MYRIP: variants seen among roughly 807,000 people sequenced by gnomAD.
The protein encoded by MYRIP is myosin VIIA and Rab interacting protein, also known as rab effector MyRIP.
Under a neutral mutation model 98.0 loss-of-function variants are expected in MYRIP, and 49 were observed. That is an observed-to-expected ratio of 0.50 (90% CI 0.40 to 0.63). MYRIP has a LOEUF of 0.63. MYRIP is among the 30% of genes least tolerant of loss of function. The pLI is 0.00. For missense variants in MYRIP, 1,004 were observed against 1,058.2 expected, an observed-to-expected ratio of 0.95 and a Z score of 0.71; for synonymous variants, 404 against 409.5, an observed-to-expected ratio of 0.99 and a Z score of 0.16.
intron 1 of MYRIP, among the ~76,000 whole-genome samples, chr3:39,897,178 T>C (rs1943630402): frequency 6.6e-6 from 1 of 152,206 alleles, no homozygotes; most frequent in Admixed American, 6.5e-5. Flanking sequence ...AAAAGGTAGA[T>C]GTTATCAAAG....
intron 2 of MYRIP, among the ~76,000 whole-genome samples, chr3:39,912,131 A>G (rs1944036942): frequency 6.6e-6 from 1 of 152,006 alleles, no homozygotes. Context: ...TGCTGGTCTG[A>G]CTTACAGGCT....
At chr3:40,198,883 ATAATT>A (rs1166328476) in intron 10 of MYRIP, among the ~76,000 whole-genome samples, 2 of 152,230 alleles carry the variant, frequency 1.3e-5, no homozygotes, top group African/African-American at 4.8e-5. Context: ...TGCTCCAGAA[ATAATT>A]TAAAGTGGCT....
intron 12 of MYRIP, among the ~76,000 whole-genome samples, 196 bp downstream of exon 12, chr3:40,234,249 T>C (rs926765545): frequency 6.6e-6 from 1 of 152,164 alleles, no homozygotes; most frequent in Non-Finnish European, 1.5e-5. Context: ...TTTGTGTGCA[T>C]GTGACTTATT....
chr3:39,886,442 C>A lies in MYRIP; in HGVS notation c.-30-14345C>A, dbSNP rs1400249521. On this transcript the variant is annotated intron_variant, in intron 1 of 16. Coordinates refer to ENST00000302541, the MANE Select transcript of MYRIP (RefSeq NM_015460.4). Reference sequence around the variant, plus strand: ...CATCAGTGTGCTGTATTCAGGAAACCCATCTCACGTGCAGAGACACACATA... The same window carrying A: ...CATCAGTGTGCTGTATTCAGGAAACACATCTCACGTGCAGAGACACACATA... 8.2e-5 allele frequency among the ~76,000 whole-genome samples: 12 copies of A among 147,070 alleles called. No homozygotes were observed. In the East Asian group the frequency reaches 2.4e-3, roughly 29 times the overall value.
intron 11 of MYRIP, among the ~76,000 whole-genome samples, chr3:40,217,411 T>C (rs1952158217): frequency 6.6e-6 from 1 of 152,198 alleles, no homozygotes; most frequent in Non-Finnish European, 1.5e-5. Flanking sequence ...AAGAATGTAA[T>C]AATATTAATT....
intron 2 of MYRIP, among the ~76,000 whole-genome samples, chr3:40,005,361 T>C (rs779214687): frequency 3.3e-5 from 5 of 152,246 alleles, no homozygotes; most frequent in Non-Finnish European, 7.3e-5. Flanking sequence ...ATTTGTTAAA[T>C]GTATGAAATA....
At chr3:40,159,225 A>G (rs1950319685) in intron 4 of MYRIP, among the ~76,000 whole-genome samples, 1 of 151,406 alleles carries the variant, frequency 6.6e-6, no homozygotes, top group Non-Finnish European at 1.5e-5. Context: ...GCTTGTCTGT[A>G]AAGTATTTTA....
At chr3:39,970,659 A>G (rs1945557884) in intron 2 of MYRIP, among the ~76,000 whole-genome samples, 1 of 152,132 alleles carries the variant, frequency 6.6e-6, no homozygotes. Context: ...GAAAATGGCC[A>G]AAATATTTGA....
intron 12 of MYRIP, among the ~76,000 whole-genome samples, chr3:40,243,673 G>T (rs1953096387): frequency 6.6e-6 from 1 of 152,010 alleles, no homozygotes. Context: ...AGGATGGGGG[G>T]GTATTTGTTT....
At chr3:40,203,703 ATTTTATATAT>A (rs1349446045) in intron 10 of MYRIP, among the ~76,000 whole-genome samples, 4 of 120,022 alleles carry the variant, frequency 3.3e-5, no homozygotes, top group Admixed American at 1.0e-4. Flanking sequence ...ATATTTTTAT[ATTTTATATAT>A]TTTTATATAT....
At chr3:40,049,828 A>C (rs991097736) in intron 3 of MYRIP, among the ~76,000 whole-genome samples, 2 of 152,182 alleles carry the variant, frequency 1.3e-5, no homozygotes, top group Admixed American at 6.6e-5. Context: ...CATGAATGAT[A>C]AAATGGAATA....
intron 2 of MYRIP, among the ~76,000 whole-genome samples, chr3:39,938,719 T>C (rs1404737715): frequency 7.2e-5 from 11 of 152,142 alleles, no homozygotes. Flanking sequence ...TTGCCCAGGC[T>C]GGTGTCAAAT....
intron 2 of MYRIP, among the ~76,000 whole-genome samples, chr3:39,974,626 T>G (rs887643045): frequency 9.9e-5 from 15 of 152,186 alleles, no homozygotes; most frequent in Non-Finnish European, 1.6e-4. Context: ...ATATCCCTGA[T>G]GAACATCGAT....
At chr3:39,963,929 C>T (rs527865212) in intron 2 of MYRIP, among the ~76,000 whole-genome samples, 20 of 152,112 alleles carry the variant, frequency 1.3e-4, no homozygotes, top group Admixed American at 1.1e-3. Context: ...TTGTGTCTAG[C>T]CAATTACATT....
At chr3:40,037,007 CAG>C (rs35688205) in intron 2 of MYRIP, among the ~76,000 whole-genome samples, 42,148 of 151,740 alleles carry the variant, frequency 0.28, 6,523 homozygotes, top group Non-Finnish European at 0.36. Context: ...TGAAAAAACA[CAG>C]AGAGCAAAGA....
At chr3:40,119,028 C>T (rs371312003) in intron 3 of MYRIP, among the ~76,000 whole-genome samples, 12 of 151,836 alleles carry the variant, frequency 7.9e-5, no homozygotes, top group South Asian at 4.2e-4. Context: ...TGAATAATGC[C>T]GCAATAAACA....
At chr3:40,078,618 C>G (rs903193497) in intron 3 of MYRIP, among the ~76,000 whole-genome samples, 2 of 152,226 alleles carry the variant, frequency 1.3e-5, no homozygotes, top group African/African-American at 2.4e-5. Context: ...ATTCAAGACT[C>G]TCTTCCTCCC....
chr3:39,960,372 C>A (rs73076775), intron 2 of MYRIP, among the ~76,000 whole-genome samples: 3,689 of 152,204 alleles, frequency 0.024, 75 homozygotes, highest in Non-Finnish European at 0.035. Flanking sequence ...ACACATGAGT[C>A]CTATTAACAA....
At chr3:39,825,823 T>C (rs113023767) in intron 1 of MYRIP, among the ~76,000 whole-genome samples, 116 of 152,272 alleles carry the variant, frequency 7.6e-4, no homozygotes, top group Admixed American at 3.0e-3. Flanking sequence ...ATTTTCTTTT[T>C]TGGGAGGCTT....
Sources: allele counts gnomAD v4.1 joint callset (sites outside exome capture counted in the v4.1 genomes callset), GRCh38; gene constraint gnomAD v4.1.1; transcripts MANE v1.5; gene names NCBI Gene and HGNC (gene_info 2026-07-23, HGNC 2026-07-21).